Variants in CES5A observed in about 807,000 individuals in gnomAD.
CES5A encodes the protein carboxylesterase 5A.
In CES5A, 67 loss-of-function variants were observed where a neutral mutation model predicts 62.9. The ratio of observed to expected loss-of-function variants is 1.07; its 90% CI spans 0.88 to 1.31. The LOEUF (loss-of-function observed/expected upper bound fraction) is 1.31, where lower values mean the gene tolerates loss of function less well. Among genes scored for constraint, CES5A ranks in the 50% most tolerant of loss-of-function variants. The pLI, the probability that CES5A is intolerant of heterozygous loss-of-function variation, is 0.00. For missense variants in CES5A, 748 were observed against 708.5 expected (o/e 1.06, Z -0.63); for synonymous variants, 296 against 280.8 (o/e 1.05, Z -0.54).
At chr16:55,853,870 C>A (rs2033180253) in intron 9 of CES5A, among the ~76,000 whole-genome samples, 1 of 152,172 alleles carries the variant, frequency 6.6e-6, no homozygotes, top group African/African-American at 2.4e-5. Context: ...AGCTCAAACC[C>A]CTACCACTAA....
intron 2 of CES5A, among the ~76,000 whole-genome samples, chr16:55,948,369 A>T (rs1284212214): frequency 3.9e-5 from 6 of 152,190 alleles, no homozygotes; most frequent in Non-Finnish European, 8.8e-5. Flanking sequence ...TCAATTATGC[A>T]TCCGTCTCAC....
At chr16:55,934,491 C>G (rs2034347389) in intron 2 of CES5A, among the ~76,000 whole-genome samples, 1 of 152,166 alleles carries the variant, frequency 6.6e-6, no homozygotes, top group South Asian at 2.1e-4. Context: ...TTTCCCACTG[C>G]ATGGGGATAG....
intron 2 of CES5A, among the ~76,000 whole-genome samples, chr16:55,946,975 C>T (rs539413140): frequency 1.3e-5 from 2 of 152,154 alleles, no homozygotes; most frequent in Non-Finnish European, 2.9e-5. Context: ...TCCCATTGAC[C>T]AGAGCAAAGG....
intron 1 of CES5A, among the ~76,000 whole-genome samples, chr16:55,952,932 A>G (rs1250450052): frequency 3.3e-5 from 5 of 152,196 alleles, no homozygotes; most frequent in African/African-American, 1.2e-4. Context: ...ATAACCAAAT[A>G]CCAAAAGTGG....
chr16:55,892,235 T>C (rs1490507832), intron 1 of CES5A, among the ~76,000 whole-genome samples: 2 of 152,136 alleles, frequency 1.3e-5, no homozygotes, highest in Admixed American at 1.3e-4. Flanking sequence ...AATTTACCTA[T>C]AGCCTGGAAG....
In CES5A at chr16:55,873,826, G is replaced by A. The variant is rs1444981576; in HGVS notation, c.278+7C>T. The A allele has an allele frequency of 1.2e-6, 2 of 1,610,264 alleles. No homozygotes were observed. The highest frequency in any genetic ancestry group is 1.7e-6 in the Non-Finnish European group (2 of 1,177,924). On this transcript the variant is annotated splice_region_variant and intron_variant, in intron 2 of 12. Coordinates refer to ENST00000290567, the MANE Select transcript of CES5A (RefSeq NM_001143685.2). ...CAAACCACCCGTGGGCCCGAACCTG[G>A]TCTTACAAATTAGGGTAGGAGGTGG...
Position 55,950,707 on chromosome 16 carries a change from G to GA in CES5A, c.43-806dup, listed in dbSNP as rs200320769. ...AAGGAGAAGAAATAATTGAGGCAAAGAAAAAAAAACCCAAAAAACGATGGA... is the reference window on the plus strand; with the variant it reads ...AAGGAGAAGAAATAATTGAGGCAAAGAAAAAAAAAACCCAAAAAACGATGGA... On this transcript the variant is annotated intron_variant, in intron 1 of 13. Transcript: ENST00000521992. Among the ~76,000 whole-genome samples the GA allele has an allele frequency of 1.2e-3, 176 of 143,014 alleles. 2 individuals are homozygous for GA. The East Asian group carries it at 0.022, about 18-fold the overall frequency. The allele number at this position is 143,014 out of a possible 152,430, so 93.8% of individuals were successfully genotyped here.
chr16:55,868,522 T>C (rs2142407008), intron 4 of CES5A, among the ~76,000 whole-genome samples: 1 of 152,256 alleles, frequency 6.6e-6, no homozygotes, highest in Middle Eastern at 3.4e-3. Flanking sequence ...CCCTTGCAAC[T>C]CCCTCCTCTG....
intron 7 of CES5A, among the ~76,000 whole-genome samples, 183 bp downstream of exon 7, chr16:55,861,218 CCTGCCCCAACA>C (rs2033343708): frequency 1.3e-5 from 2 of 152,204 alleles, no homozygotes. Context: ...AAGTTGAACC[CCTGCCCCAACA>C]ATTTTCTTAA....
Position 55,869,646 on chromosome 16 carries a change from G to A in CES5A, c.516C>T (p.Val172=), listed in dbSNP as rs775629408. ...CAAATATTCCTAGCCGGTACTGGAC[G>A]ACCACAACCAGCACGTCCTCATAGG... is the stretch of plus-strand genomic sequence containing the variant. The part of the protein sequence containing the change: ...LAAYEDVLVV[V]VQYRLGIFGF... The change falls in exon 4 of 13, where the codon GTC becomes GTT. Residue 172 remains valine, a synonymous_variant. Transcript: ENST00000290567. The A allele has an allele frequency of 8.7e-6, 14 of 1,613,598 alleles. No individual in the cohort carries two copies. The highest frequency in any genetic ancestry group is 2.7e-5 in the African/African-American group (2 of 74,854).
At chr16:55,853,580 G>C (rs1164317358) in intron 9 of CES5A, among the ~76,000 whole-genome samples, 1 of 152,158 alleles carries the variant, frequency 6.6e-6, no homozygotes, top group African/African-American at 2.4e-5. Context: ...GTCTCTTGGA[G>C]CCTCAGTTTC....
intron 2 of CES5A, among the ~76,000 whole-genome samples, chr16:55,938,523 G>T (rs934834373): frequency 1.1e-4 from 16 of 151,350 alleles, no homozygotes; most frequent in South Asian, 2.1e-4. Flanking sequence ...GGATCACAAG[G>T]TCAGGAGATC....
intron 9 of CES5A, among the ~76,000 whole-genome samples, chr16:55,855,962 A>C (rs2033235216): frequency 6.6e-6 from 1 of 152,036 alleles, no homozygotes; most frequent in Non-Finnish European, 1.5e-5. Flanking sequence ...TGCTGTTCTC[A>C]TGATAGAGTT....
intron 10 of CES5A, among the ~76,000 whole-genome samples, chr16:55,851,176 T>C (rs773552242): frequency 2.3e-4 from 35 of 152,302 alleles, no homozygotes; most frequent in Admixed American, 3.9e-4. Flanking sequence ...GCAACTTTTG[T>C]ACATTATCAA....
chr16:55,949,658 T>C, intron 2 of CES5A: 2 of 420,370 alleles, frequency 4.8e-6, no homozygotes, highest in Non-Finnish European at 8.4e-6. Flanking sequence ...ATCTTGACAA[T>C]GAAAATAAAC....
rs982893257 is a variant in CES5A at position 55,873,716 on chromosome 16, C to T, written c.278+117G>A. 23 of 952,594 alleles carry T rather than the reference C, an allele frequency of 2.4e-5. 1 individual carries two copies. The South Asian group carries it at 3.7e-4, about 15-fold the overall frequency. 59.0% of individuals were successfully genotyped at this position (952,594 alleles called of 1,614,324 possible). ...ACCACTCGCCCGAGTCTCAAGCCCTCTCTCTCCCTCCTCCCCCATCCATGC... is the reference window on the plus strand; with the variant it reads ...ACCACTCGCCCGAGTCTCAAGCCCTTTCTCTCCCTCCTCCCCCATCCATGC... On this transcript the variant is annotated intron_variant, in intron 2 of 12. Transcript: ENST00000290567.
At chr16:55,946,023 A>G (rs1237627106) in intron 2 of CES5A, among the ~76,000 whole-genome samples, 1 of 152,160 alleles carries the variant, frequency 6.6e-6, no homozygotes, top group Non-Finnish European at 1.5e-5. Flanking sequence ...AGGGAGGTAA[A>G]GCTATTTAAA....
intron 9 of CES5A, among the ~76,000 whole-genome samples, chr16:55,854,690 C>G (rs1310697789): frequency 6.6e-6 from 1 of 150,942 alleles, no homozygotes; most frequent in Non-Finnish European, 1.5e-5. Flanking sequence ...CACCACCAGG[C>G]CTGGCTAATT....
chr16:55,847,116 TG>T (rs1348402936), intron 11 of CES5A, among the ~76,000 whole-genome samples: 1 of 152,156 alleles, frequency 6.6e-6, no homozygotes, highest in Admixed American at 6.5e-5. Flanking sequence ...GCAGGTTCCC[TG>T]GGGACACAGA....
Sources: allele counts gnomAD v4.1 joint callset (sites outside exome capture counted in the v4.1 genomes callset), GRCh38; gene constraint gnomAD v4.1.1; transcripts MANE v1.5; gene names NCBI Gene and HGNC (gene_info 2026-07-23, HGNC 2026-07-21).